Variants in RBMS1 observed in about 807,000 individuals in gnomAD.
The protein encoded by RBMS1 is RNA-binding motif, single-stranded-interacting protein 1.
A neutral mutation model predicts 62.3 loss-of-function variants in RBMS1; 17 were observed. That is an observed-to-expected ratio of 0.27 (90% confidence interval 0.19 to 0.41). RBMS1 has a LOEUF of 0.41. RBMS1 is among the 10% of genes least tolerant of loss of function. The pLI is 1.00. For missense variants in RBMS1, 334 were observed against 504.5 expected, an observed-to-expected ratio of 0.66 and a Z score of 3.24; for synonymous variants, 172 against 170.0, an observed-to-expected ratio of 1.01 and a Z score of -0.09.
chr2:160,346,844 T>C (rs1692208229), intron 2 of RBMS1, among the ~76,000 whole-genome samples: 1 of 152,080 alleles, frequency 6.6e-6, no homozygotes, highest in Non-Finnish European at 1.5e-5. Context: ...CCTTCCAAAA[T>C]ACACCAAAGA....
At chr2:160,424,377 G>GGA (rs1553522140) in intron 1 of RBMS1, among the ~76,000 whole-genome samples, 3 of 147,264 alleles carry the variant, frequency 2.0e-5, no homozygotes, top group Non-Finnish European at 4.5e-5. Context: ...GGGGGGGGGG[G>GGA]AAACAAAAAG....
intron 1 of RBMS1, among the ~76,000 whole-genome samples, chr2:160,491,054 T>C (rs1387040244): frequency 1.3e-5 from 2 of 152,066 alleles, no homozygotes; most frequent in African/African-American, 4.8e-5. Context: ...CAAAGTCTTT[T>C]TTTTTTTAAA....
intron 1 of RBMS1, among the ~76,000 whole-genome samples, chr2:160,374,128 C>T (rs994242375): frequency 6.6e-6 from 1 of 152,056 alleles, no homozygotes; most frequent in Non-Finnish European, 1.5e-5. Context: ...TTTGGTGGCA[C>T]ACGCCTGTAG....
In RBMS1 at chr2:160,318,229, T is replaced by TAAAAAAAAAAAAAAAAAAAAAAAAAAA. The variant is rs5835799; in HGVS notation, c.252-3_252-2insTTTTTTTTTTTTTTTTTTTTTTTTTTT. The TAAAAAAAAAAAAAAAAAAAAAAAAAAA allele has an allele frequency of 1.8e-5, 21 of 1,164,702 alleles. No homozygotes were observed. The highest frequency in any genetic ancestry group is 1.5e-4 in the African/African-American group (6 of 39,642). The allele number at this position is 1,164,702 out of a possible 1,614,324, so 72.1% of individuals were successfully genotyped here. A position where few individuals can be genotyped will look rare whatever the true frequency, so the allele number is the denominator to read the frequency against. On this transcript the variant is annotated splice_polypyrimidine_tract_variant and splice_region_variant and intron_variant, in intron 2 of 13. Transcript: ENST00000348849. ...TTTGTGGAGACTATTTTCCCATATC[T>TAAAAAAAAAAAAAAAAAAAAAAAAAAA]AAAAAAAAAAAAAAAAAAAAAAAGG...
chr2:160,367,358 G>C lies in RBMS1; in HGVS notation c.109C>G (p.Pro37Ala), dbSNP rs370963092. Residue 37 changes from proline (P) to alanine (A), a missense_variant, in exon 2 of 14, where the codon CCC becomes GCC. Pro to Ala is a conservative substitution (Grantham distance 27). Around this residue, in one of 3 missense-constraint regions of RBMS1, gnomAD observed 150 missense variants for 228.0 expected, o/e 0.66. Coordinates refer to ENST00000348849, the MANE Select transcript of RBMS1 (RefSeq NM_016836.4). ...TTACTGCTGGTGGTGCTGGGACTGG[G>C]AGGGGCCATGGGGTGGGCTGGGACC... Reference protein sequence around the residue: ...SLVPAHPMAPPSPSTTSSNNN... With the variant: ...SLVPAHPMAPASPSTTSSNNN... 19 of 1,611,692 alleles carry C rather than the reference G, an allele frequency of 1.2e-5. No homozygotes were observed. Among genetic ancestry groups the C allele is most frequent in the Non-Finnish European group, 1.5e-5 (18 of 1,178,718 alleles).
Position 160,407,618 on chromosome 2 carries a change from G to A in RBMS1, c.76-40227C>T. On this transcript the variant is annotated intron_variant, in intron 1 of 13. Transcript: ENST00000348849. ...AGGGGGAGGGCGCAAGGAGGTGGCC[G>A]GCCGGGCCCGGGGCCGCGGCAGCTC... 3.1e-6 allele frequency: 3 copies of A among 982,002 alleles called. No individual in the cohort carries two copies. The South Asian group carries it at 1.4e-4, about 44-fold the overall frequency. The allele number at this position is 982,002 out of a possible 1,614,324, so 60.8% of individuals were successfully genotyped here.
intron 1 of RBMS1, among the ~76,000 whole-genome samples, chr2:160,422,035 C>T (rs539070000): frequency 1.3e-5 from 2 of 152,166 alleles, no homozygotes; most frequent in East Asian, 1.9e-4. Context: ...GTCAAAAAGA[C>T]AGTTCTACTG....
intron 1 of RBMS1, among the ~76,000 whole-genome samples, chr2:160,446,775 T>C (rs1010248130): frequency 6.6e-6 from 1 of 152,242 alleles, no homozygotes; most frequent in Non-Finnish European, 1.5e-5. Flanking sequence ...CTCGGACTGC[T>C]GTCCCCTCCG....
At position 160,439,310 on chromosome 2, in the gene RBMS1, C is replaced by T. The variant is rs532538050; in HGVS notation, c.75+53979G>A. ...CTCACTTCTCAGACAGGGCGGCTGCCGGGCGGAAGGGCTCCTCACTTCTCA... is the reference window on the plus strand; with the variant it reads ...CTCACTTCTCAGACAGGGCGGCTGCTGGGCGGAAGGGCTCCTCACTTCTCA... On this transcript the variant is annotated intron_variant, in intron 1 of 13. Transcript: ENST00000348849. Among the ~76,000 whole-genome samples, 12 of 149,934 alleles carry T rather than the reference C, an allele frequency of 8.0e-5. No individual in the cohort carries two copies. In the East Asian group the frequency reaches 1.2e-3, roughly 15 times the overall value.
chr2:160,426,782 C>T (rs1682648922), intron 1 of RBMS1, among the ~76,000 whole-genome samples: 1 of 152,138 alleles, frequency 6.6e-6, no homozygotes, highest in Non-Finnish European at 1.5e-5. Context: ...TTCCGGGTGA[C>T]TTCTAAACAA....
intron 1 of RBMS1, among the ~76,000 whole-genome samples, chr2:160,403,291 G>A (rs1695529085): frequency 6.6e-6 from 1 of 152,184 alleles, no homozygotes; most frequent in East Asian, 1.9e-4. Context: ...TCCAATCTCT[G>A]TAGCTTGAAG....
chr2:160,489,191 T>C (rs1422921403), intron 1 of RBMS1, among the ~76,000 whole-genome samples: 1 of 152,236 alleles, frequency 6.6e-6, no homozygotes, highest in South Asian at 2.1e-4. Context: ...CACTGTTGCA[T>C]TGTAATGCAT....
intron 1 of RBMS1, among the ~76,000 whole-genome samples, chr2:160,415,408 A>G (rs2105260337): frequency 6.6e-6 from 1 of 152,230 alleles, no homozygotes; most frequent in East Asian, 1.9e-4. Flanking sequence ...GAAGGAAGGA[A>G]TGGGTGTGCT....
At chr2:160,488,122 A>G (rs1411906814) in intron 1 of RBMS1, among the ~76,000 whole-genome samples, 1 of 152,178 alleles carries the variant, frequency 6.6e-6, no homozygotes, top group African/African-American at 2.4e-5. Context: ...TATGTACTCA[A>G]ATTTGTGTGT....
At chr2:160,426,262 AAAG>A (rs1682580390) in intron 1 of RBMS1, among the ~76,000 whole-genome samples, 8 of 125,526 alleles carry the variant, frequency 6.4e-5, no homozygotes, top group African/African-American at 9.2e-5. Context: ...AGAAAGAAAG[AAAG>A]AAAGAAAGAA....
intron 3 of RBMS1, among the ~76,000 whole-genome samples, chr2:160,315,472 A>G (rs904793277): frequency 6.6e-6 from 1 of 152,188 alleles, no homozygotes; most frequent in African/African-American, 2.4e-5. Context: ...AGGACCAGGA[A>G]TAGTTATGTT....
At chr2:160,395,702 A>C (rs1391535412) in intron 1 of RBMS1, among the ~76,000 whole-genome samples, 2 of 152,158 alleles carry the variant, frequency 1.3e-5, no homozygotes, top group East Asian at 3.8e-4. Flanking sequence ...TCTATTTCAG[A>C]AACTGTAATA....
intron 1 of RBMS1, among the ~76,000 whole-genome samples, chr2:160,483,983 T>C (rs1685478135): frequency 6.8e-6 from 1 of 147,554 alleles, no homozygotes. Context: ...AGTATTTGTC[T>C]TCCTTCCAGG....
chr2:160,279,614 G>A (rs767461830), intron 10 of RBMS1: 3 of 152,158 alleles, frequency 2.0e-5, no homozygotes, highest in African/African-American at 7.2e-5. Context: ...AAAATTCAAT[G>A]AACTCTTTAT....
Sources: gnomAD v4.1 joint callset for allele counts (sites outside exome capture counted in the v4.1 genomes callset) on GRCh38, gnomAD v4.1.1 for gene constraint, gnomAD v4.1.1 regional missense constraint, MANE v1.5 for transcripts, NCBI Gene and HGNC (gene_info 2026-07-23, HGNC 2026-07-21) for gene names.